ZNF804B: variants seen among roughly 807,000 people sequenced by gnomAD.
ZNF804B encodes zinc finger protein 804B, also known as zinc finger 804B.
Under a neutral mutation model 101.4 loss-of-function variants are expected in ZNF804B, and 80 were observed. The ratio of observed to expected loss-of-function variants is 0.79; its 90% CI spans 0.66 to 0.95. The LOEUF (loss-of-function observed/expected upper bound fraction) is 0.95, where lower values mean the gene tolerates loss of function less well. ZNF804B is among the 40% of genes least tolerant of loss of function. The pLI is 0.00. For missense variants in ZNF804B, 1,673 were observed against 1,561.9 expected (o/e 1.07, Z -1.20); for synonymous variants, 622 against 558.8 (o/e 1.11, Z -1.59).
intron 2 of ZNF804B, among the ~76,000 whole-genome samples, chr7:89,289,482 T>C (rs1790254575): frequency 6.6e-6 from 1 of 152,202 alleles, no homozygotes; most frequent in African/African-American, 2.4e-5. Context: ...CTTAAATTGC[T>C]AATGCCACCC....
intron 2 of ZNF804B, among the ~76,000 whole-genome samples, chr7:89,222,568 G>A (rs1789021005): frequency 6.6e-6 from 1 of 151,920 alleles, no homozygotes; most frequent in Non-Finnish European, 1.5e-5. Context: ...TCCGTTTCCA[G>A]ATTTATCTTC....
At chr7:89,038,648 G>A (rs911385674) in intron 1 of ZNF804B, among the ~76,000 whole-genome samples, 4 of 151,992 alleles carry the variant, frequency 2.6e-5, no homozygotes, top group African/African-American at 7.2e-5. Flanking sequence ...TACCTTTGCA[G>A]TGTGGAAGCT....
chr7:89,137,028 GGCT>G (rs1291850022), intron 1 of ZNF804B, among the ~76,000 whole-genome samples: 8 of 151,910 alleles, frequency 5.3e-5, no homozygotes, highest in African/African-American at 1.5e-4. Flanking sequence ...ATGATTGTGA[GGCT>G]TTCCCAGGCA....
chr7:88,999,691 C>T (rs559778445), intron 1 of ZNF804B, among the ~76,000 whole-genome samples: 3 of 151,824 alleles, frequency 2.0e-5, no homozygotes, highest in Non-Finnish European at 2.9e-5. Context: ...AATGAGCCAG[C>T]ATGTAAAAAT....
At chr7:88,811,938 C>A (rs1790795543) in intron 1 of ZNF804B, among the ~76,000 whole-genome samples, 2 of 152,052 alleles carry the variant, frequency 1.3e-5, no homozygotes, top group Non-Finnish European at 2.9e-5. Context: ...CTGTAACAAA[C>A]CTGCACACCC....
chr7:89,031,176 AAT>A (rs1049166897), intron 1 of ZNF804B, among the ~76,000 whole-genome samples: 1 of 145,692 alleles, frequency 6.9e-6, no homozygotes, highest in African/African-American at 2.5e-5. Flanking sequence ...TAATAATAAA[AAT>A]ATATATGTGT....
intron 2 of ZNF804B, among the ~76,000 whole-genome samples, chr7:89,301,767 C>T (rs1241060532): frequency 6.6e-6 from 1 of 151,864 alleles, no homozygotes. Flanking sequence ...CTGCCTCTGT[C>T]ACTTAATAGA....
chr7:89,116,794 C>T (rs1790318649), intron 1 of ZNF804B, among the ~76,000 whole-genome samples: 1 of 152,186 alleles, frequency 6.6e-6, no homozygotes. Flanking sequence ...TTTAAATTAC[C>T]TAGATTCCAC....
At chr7:88,857,302 C>CA (rs1429300734) in intron 1 of ZNF804B, among the ~76,000 whole-genome samples, 1 of 151,942 alleles carries the variant, frequency 6.6e-6, no homozygotes, top group Middle Eastern at 3.2e-3. Flanking sequence ...AAAAACCCTC[C>CA]AAAAAATCAA....
intron 1 of ZNF804B, among the ~76,000 whole-genome samples, chr7:89,010,061 T>C (rs1181493017): frequency 6.6e-6 from 1 of 152,188 alleles, no homozygotes; most frequent in Non-Finnish European, 1.5e-5. Context: ...ATACATATGT[T>C]ATTTCCCATC....
chr7:89,298,180 A>ATT (rs201061792), intron 2 of ZNF804B, among the ~76,000 whole-genome samples: 2,343 of 121,274 alleles, frequency 0.019, 98 homozygotes, highest in African/African-American at 0.07. Context: ...ATATATATAT[A>ATT]GTGTGTATAT....
chr7:89,189,657 A>G (rs1788426001), intron 1 of ZNF804B, among the ~76,000 whole-genome samples: 1 of 152,132 alleles, frequency 6.6e-6, no homozygotes. Flanking sequence ...ATTTACAGCT[A>G]TTTGTGGTGA....
At chr7:89,046,603 T>G (rs920817798) in intron 1 of ZNF804B, among the ~76,000 whole-genome samples, 1 of 152,150 alleles carries the variant, frequency 6.6e-6, no homozygotes, top group African/African-American at 2.4e-5. Context: ...CTTAAAACAT[T>G]CAGGCTTGTT....
At chr7:89,028,746 AG>A (rs1199560571) in intron 1 of ZNF804B, among the ~76,000 whole-genome samples, 1 of 152,102 alleles carries the variant, frequency 6.6e-6, no homozygotes. Flanking sequence ...TTTGTTCTTC[AG>A]CTTCCTTACT....
chr7:89,012,314 G>A (rs1788478181), intron 1 of ZNF804B, among the ~76,000 whole-genome samples: 1 of 152,126 alleles, frequency 6.6e-6, no homozygotes, highest in Non-Finnish European at 1.5e-5. Flanking sequence ...GTGCCACAGA[G>A]ACATTTTCCC....
At chr7:88,796,305 A>G (rs1344310349) in intron 1 of ZNF804B, among the ~76,000 whole-genome samples, 1 of 152,154 alleles carries the variant, frequency 6.6e-6, no homozygotes, top group Non-Finnish European at 1.5e-5. Context: ...AATTTTAATG[A>G]TAATACAATG....
intron 1 of ZNF804B, among the ~76,000 whole-genome samples, chr7:89,188,019 T>C (rs1255152844): frequency 6.6e-6 from 1 of 152,070 alleles, no homozygotes; most frequent in African/African-American, 2.4e-5. Flanking sequence ...GGAAAGTCAT[T>C]TGATTGTGTT....
At chr7:89,304,579 T>C (rs1790533225) in intron 2 of ZNF804B, among the ~76,000 whole-genome samples, 1 of 143,000 alleles carries the variant, frequency 7.0e-6, no homozygotes, top group Non-Finnish European at 1.6e-5. Flanking sequence ...AAGAAAATTT[T>C]TGTTAGCTAA....
chr7:88,947,392 G>T (rs577633220), intron 1 of ZNF804B, among the ~76,000 whole-genome samples: 1 of 151,852 alleles, frequency 6.6e-6, no homozygotes, highest in African/African-American at 2.4e-5. Context: ...GGAAACCATG[G>T]TTCTCAGCAG....
Sources: allele counts gnomAD v4.1 joint callset (sites outside exome capture counted in the v4.1 genomes callset), GRCh38; gene constraint gnomAD v4.1.1; transcripts MANE v1.5; gene names NCBI Gene and HGNC (gene_info 2026-07-23, HGNC 2026-07-21).